Variants in PHACTR1 observed in about 807,000 individuals in gnomAD.
PHACTR1 encodes the protein phosphatase and actin regulator 1.
A neutral mutation model predicts 69.2 loss-of-function variants in PHACTR1; 16 were observed. The observed-to-expected ratio is 0.23, with a 90% CI of 0.16 to 0.35. The LOEUF (loss-of-function observed/expected upper bound fraction) is 0.35, where lower values mean the gene tolerates loss of function less well. Ranked by LOEUF, PHACTR1 falls within the 10% of genes least tolerant of loss-of-function variation. The pLI is 1.00. For synonymous variants in PHACTR1, 312 were observed against 284.5 expected, an observed-to-expected ratio of 1.10 and a Z score of -0.97; for missense variants, 510 against 734.7, an observed-to-expected ratio of 0.69 and a Z score of 3.54.
At chr6:13,138,349 T>C (rs1467643083) in intron 5 of PHACTR1, among the ~76,000 whole-genome samples, 2 of 152,236 alleles carry the variant, frequency 1.3e-5, no homozygotes, top group Non-Finnish European at 2.9e-5. Context: ...AGAAAGGATT[T>C]ACAATTGTAA....
In PHACTR1 at chr6:12,899,844, C is replaced by T. The variant is rs150240522; in HGVS notation, c.250+150054C>T. On this transcript the variant is annotated intron_variant, in intron 4 of 14. Coordinates refer to ENST00000332995, the MANE Select transcript of PHACTR1 (RefSeq NM_030948.6). ...TGAGCTCACTGCGCAGGAGACTGCA[C>T]GCCCGGGTCTGTGATGTGTGGTGCC... Among the ~76,000 whole-genome samples the T allele has an allele frequency of 1.8e-3, 274 of 152,328 alleles. 1 individual carries two copies. Among genetic ancestry groups the T allele is most frequent in the East Asian group, 3.3e-3 (17 of 5,192 alleles).
intron 4 of PHACTR1, among the ~76,000 whole-genome samples, chr6:12,985,561 T>TATACACAC (rs1554186432): frequency 5.5e-5 from 8 of 146,396 alleles, no homozygotes; most frequent in African/African-American, 1.8e-4. Context: ...TATATATATA[T>TATACACAC]ACACAGAGAG....
In PHACTR1 at chr6:12,949,284, AAAAG is replaced by A. The variant is rs1554175601; in HGVS notation, c.251-104069_251-104066del. ...AACGTCATCTCAAAAAAAAAAAAAA[AAAAG>A]AAAGAAAGAAAAGGAAAAAAAAGAA... On this transcript the variant is annotated intron_variant, in intron 4 of 14. Coordinates refer to ENST00000332995, the MANE Select transcript of PHACTR1 (RefSeq NM_030948.6). Among the ~76,000 whole-genome samples the A allele has an allele frequency of 1.2e-3, 176 of 147,170 alleles. 1 individual carries two copies. The highest frequency in any genetic ancestry group is 4.1e-3 in the African/African-American group (154 of 37,448).
At chr6:12,930,943 C>T (rs1338453942) in intron 4 of PHACTR1, among the ~76,000 whole-genome samples, 4 of 140,784 alleles carry the variant, frequency 2.8e-5, no homozygotes, top group African/African-American at 1.1e-4. Flanking sequence ...CCCAGCTACT[C>T]AGGAAAGCTG....
intron 3 of PHACTR1, chr6:12,749,398 T>G: frequency 1.7e-6 from 1 of 573,844 alleles, no homozygotes; most frequent in East Asian, 3.9e-5. Flanking sequence ...TAGCCTGATC[T>G]CTGCTCCAGT....
intron 4 of PHACTR1, among the ~76,000 whole-genome samples, chr6:12,912,554 G>T (rs567338012): frequency 2.0e-5 from 3 of 152,218 alleles, no homozygotes; most frequent in Admixed American, 6.5e-5. Context: ...ACTCACGTTG[G>T]GCCTGTTTCC....
At chr6:13,113,736 C>T (rs763301291) in intron 5 of PHACTR1, among the ~76,000 whole-genome samples, 4 of 152,142 alleles carry the variant, frequency 2.6e-5, no homozygotes, top group Non-Finnish European at 5.9e-5. Flanking sequence ...TCTATCTCAC[C>T]GATGTACCCA....
chr6:13,021,620 C>A (rs1800984255), intron 4 of PHACTR1, among the ~76,000 whole-genome samples: 1 of 152,146 alleles, frequency 6.6e-6, no homozygotes, highest in African/African-American at 2.4e-5. Context: ...AAACTGGCTG[C>A]CCCATTTTAC....
intron 5 of PHACTR1, among the ~76,000 whole-genome samples, chr6:13,085,125 C>A (rs985076853): frequency 6.6e-6 from 1 of 151,828 alleles, no homozygotes; most frequent in Non-Finnish European, 1.5e-5. Context: ...CTAAACATGA[C>A]CATTTAATGA....
At chr6:12,781,340 T>TA (rs1770794516) in intron 4 of PHACTR1, among the ~76,000 whole-genome samples, 1 of 152,180 alleles carries the variant, frequency 6.6e-6, no homozygotes, top group South Asian at 2.1e-4. Context: ...TGATAAGGTC[T>TA]GTGATTGCTC....
At chr6:12,777,625 C>CTTT (rs869096915) in intron 4 of PHACTR1, among the ~76,000 whole-genome samples, 1,262 of 98,876 alleles carry the variant, frequency 0.013, 47 homozygotes, top group East Asian at 0.018. Context: ...CTTTCTTCTT[C>CTTT]TTTTTTTTTT....
intron 12 of PHACTR1, chr6:13,280,907 G>A (rs886162626): frequency 1.0e-5 from 13 of 1,260,076 alleles, no homozygotes; most frequent in South Asian, 5.0e-5. Context: ...TGAGCCTTTC[G>A]TGGTCAGGGA....
At chr6:12,744,130 G>A (rs1274008124) in intron 3 of PHACTR1, among the ~76,000 whole-genome samples, 2 of 152,066 alleles carry the variant, frequency 1.3e-5, no homozygotes, top group Non-Finnish European at 2.9e-5. Context: ...ACTTACCATA[G>A]GTCAGGAGCC....
At chr6:12,966,704 G>T (rs1793546159) in intron 4 of PHACTR1, among the ~76,000 whole-genome samples, 1 of 152,078 alleles carries the variant, frequency 6.6e-6, no homozygotes, top group Admixed American at 6.6e-5. Context: ...CAAAAGGGTG[G>T]TTAAAATGAT....
At chr6:12,991,758 G>A (rs1056195857) in intron 4 of PHACTR1, among the ~76,000 whole-genome samples, 2 of 152,124 alleles carry the variant, frequency 1.3e-5, no homozygotes, top group African/African-American at 4.8e-5. Context: ...AAACTATAAT[G>A]GTTTTGTGTT....
intron 4 of PHACTR1, among the ~76,000 whole-genome samples, chr6:13,019,708 T>C (rs1387107405): frequency 6.6e-6 from 1 of 152,212 alleles, no homozygotes; most frequent in Non-Finnish European, 1.5e-5. Context: ...GCTTGAAATA[T>C]CCTCATTTGT....
chr6:13,209,555 A>G (rs1766481674), intron 8 of PHACTR1, among the ~76,000 whole-genome samples: 1 of 152,234 alleles, frequency 6.6e-6, no homozygotes, highest in African/African-American at 2.4e-5. Flanking sequence ...TGAAAAAGTT[A>G]TAGGTAATAT....
At chr6:12,856,251 C>CTTTTT (rs201867496) in intron 4 of PHACTR1, among the ~76,000 whole-genome samples, 27 of 95,322 alleles carry the variant, frequency 2.8e-4, no homozygotes, top group Non-Finnish European at 3.4e-4. Context: ...TTCTTTCTTT[C>CTTTTT]TTTCTTTTTT....
At chr6:12,909,006 A>G (rs983436693) in intron 4 of PHACTR1, among the ~76,000 whole-genome samples, 1 of 152,122 alleles carries the variant, frequency 6.6e-6, no homozygotes, top group African/African-American at 2.4e-5. Context: ...GTGGGGGGAA[A>G]CAGAAATGAT....
Sources: allele counts gnomAD v4.1 joint callset (sites outside exome capture counted in the v4.1 genomes callset), GRCh38; gene constraint gnomAD v4.1.1; transcripts MANE v1.5; gene names NCBI Gene and HGNC (gene_info 2026-07-23, HGNC 2026-07-21).